Variants in GRIP2 observed in about 807,000 individuals in gnomAD.
The protein encoded by GRIP2 is glutamate receptor interacting protein 2, also known as glutamate receptor-interacting protein 2.
In GRIP2, 58 loss-of-function variants were observed where a neutral mutation model predicts 108.3. That is an observed-to-expected ratio of 0.54 (90% CI 0.43 to 0.67). GRIP2 has a LOEUF of 0.67. Ranked by LOEUF, GRIP2 falls within the 30% of genes least tolerant of loss-of-function variation. GRIP2 has a pLI of 0.00. For missense variants in GRIP2, 1,278 were observed against 1,430.6 expected (o/e 0.89, Z 1.72); for synonymous variants, 586 against 598.2 (o/e 0.98, Z 0.30).
the GRIP2 span, among the ~76,000 whole-genome samples, chr3:14,563,550 C>A: frequency 2.0e-5 from 3 of 152,064 alleles, no homozygotes; most frequent in Non-Finnish European, 2.9e-5. Flanking sequence ...GCAGGGTCTC[C>A]TGAGGATCTG....
chr3:14,534,526 GT>G (rs61276571), intron 1 of GRIP2, among the ~76,000 whole-genome samples: 26,917 of 148,774 alleles, frequency 0.18, 2,460 homozygotes, highest in South Asian at 0.21. Context: ...TTTTATCCAT[GT>G]TTTTTTTTTT....
chr3:14,499,539 A>G (rs953320082), intron 21 of GRIP2, among the ~76,000 whole-genome samples: 11 of 151,334 alleles, frequency 7.3e-5, no homozygotes, highest in Non-Finnish European at 1.3e-4. Flanking sequence ...AACATGGTGA[A>G]ACCCTGTCTC....
the GRIP2 span, among the ~76,000 whole-genome samples, chr3:14,581,635 C>G: frequency 1.3e-5 from 2 of 152,156 alleles, no homozygotes; most frequent in Non-Finnish European, 2.9e-5. Flanking sequence ...TGATATAAGT[C>G]TGGAGAGCCT....
At chr3:14,579,931 G>A in the GRIP2 span, among the ~76,000 whole-genome samples, 10 of 152,320 alleles carry the variant, frequency 6.6e-5, no homozygotes, top group South Asian at 1.9e-3. Flanking sequence ...GGCTGCACTC[G>A]GTGCCATACG....
rs757294050 is a variant in GRIP2, at chr3:14,540,264, C to A, written c.40+5G>T. 1.5e-5 allele frequency: 25 copies of A among 1,613,272 alleles called. No homozygotes were observed. Among genetic ancestry groups the A allele is most frequent in the Non-Finnish European group, 2.1e-5 (25 of 1,179,600 alleles). ...CACTCTGCCCACAGACCCCCCATTA[C>A]GTACCCGCCTCTCCAGGGGTCTCCC... On this transcript the variant is annotated splice_donor_5th_base_variant and intron_variant, in intron 1 of 23. Transcript: ENST00000621039. This position sits in a 1 kb window ranked among gnomAD's most constrained non-coding sequence, Gnocchi z 4.1.
chr3:14,585,077 T>G, the GRIP2 span, among the ~76,000 whole-genome samples: 1 of 152,208 alleles, frequency 6.6e-6, no homozygotes, highest in Non-Finnish European at 1.5e-5. Flanking sequence ...GAGGCTGGAG[T>G]GCAGTGGCAC....
chr3:14,510,697 GT>G (rs2124884247), intron 16 of GRIP2, among the ~76,000 whole-genome samples: 1 of 152,322 alleles, frequency 6.6e-6, no homozygotes, highest in Non-Finnish European at 1.5e-5. Flanking sequence ...AGTTGGCGCA[GT>G]CCTCACCCGT....
At chr3:14,562,745 CGGTCCTCGGACTCCCGGACA>C in the GRIP2 span, among the ~76,000 whole-genome samples, 1 of 151,764 alleles carries the variant, frequency 6.6e-6, no homozygotes, top group Non-Finnish European at 1.5e-5. Flanking sequence ...CCGAGGCAGA[CGGTCCTCGGACTCCCGGACA>C]GGTCTCAGCA....
At chr3:14,527,723 C>T (rs1449759668) in intron 1 of GRIP2, among the ~76,000 whole-genome samples, 2 of 151,980 alleles carry the variant, frequency 1.3e-5, no homozygotes, top group Admixed American at 1.3e-4. Flanking sequence ...TGGCAAAACC[C>T]CATCTCTACT....
chr3:14,579,942 G>C, the GRIP2 span, among the ~76,000 whole-genome samples: 1 of 152,216 alleles, frequency 6.6e-6, no homozygotes, highest in Non-Finnish European at 1.5e-5. Context: ...GTGCCATACG[G>C]GGTGGGGTGA....
Position 14,514,489 on chromosome 3 carries a change from G to A in GRIP2, c.1307-11C>T, listed in dbSNP as rs778483004. The A allele has an allele frequency of 6.5e-7, 1 of 1,542,360 alleles. No homozygotes were observed. The highest frequency in any genetic ancestry group is 2.0e-5 in the Admixed American group (1 of 50,994). ...TGGAGGCTAGCGACACTGTAGGACAGGTGGGCCCAGCATTCAGGTGAGCCG... is the reference window on the plus strand; with the variant it reads ...TGGAGGCTAGCGACACTGTAGGACAAGTGGGCCCAGCATTCAGGTGAGCCG... On this transcript the variant is annotated splice_polypyrimidine_tract_variant and intron_variant, in intron 11 of 23. Coordinates refer to ENST00000621039, the MANE Select transcript of GRIP2 (RefSeq NM_001080423.4).
chr3:14,511,423 C>T lies in GRIP2; in HGVS notation c.1777G>A (p.Val593Met), dbSNP rs748092408. ...LIISDIKKGSVAHRTGTLEPG... is the reference protein window; with the variant it reads ...LIISDIKKGSMAHRTGTLEPG... ...CCCCAGTGCCCCTACCTGTGTGCCA[C>T]GCTGCCTTTCTTGATGTCGGAGATG... is the stretch of plus-strand genomic sequence containing the variant. Residue 593 changes from valine (V) to methionine (M), a missense_variant, in exon 15 of 24, where the codon GTG becomes ATG. Transcript: ENST00000621039. The surrounding 1 kb of genome is among the most constrained non-coding windows in gnomAD (Gnocchi z 4.1). The T allele has an allele frequency of 1.2e-5, 19 of 1,613,858 alleles. No homozygotes were observed. The highest frequency in any genetic ancestry group is 6.6e-5 in the South Asian group (6 of 91,082).
In GRIP2 at chr3:14,507,506, G is replaced by T; in HGVS notation, c.2218+55C>A. On this transcript the variant is annotated intron_variant, in intron 18 of 23. Coordinates refer to ENST00000621039, the MANE Select transcript of GRIP2 (RefSeq NM_001080423.4). The surrounding 1 kb of genome is among the most constrained non-coding windows in gnomAD (Gnocchi z 4.6). ...TGTGCAGGCAAAGCCTGGCACAGAGGGATTGCCCTTCCTAAACCTGCTGGG... is the reference window on the plus strand; with the variant it reads ...TGTGCAGGCAAAGCCTGGCACAGAGTGATTGCCCTTCCTAAACCTGCTGGG... 6.3e-7 allele frequency: 1 copy of T among 1,597,314 alleles called. No individual in the cohort carries two copies. Among genetic ancestry groups the T allele is most frequent in the South Asian group, 1.1e-5 (1 of 90,306 alleles).
rs1693966180 is a variant in GRIP2, at chr3:14,507,593, G to A, written c.2186C>T (p.Thr729Ile). The change falls in exon 18 of 24, where the codon ACC becomes ATC. Residue 729 changes from threonine to isoleucine, a missense_variant. Physicochemically the swap from Thr to Ile is moderately conservative, Grantham distance 89. Transcript: ENST00000621039. The surrounding 1 kb of genome is among the most constrained non-coding windows in gnomAD (Gnocchi z 4.6). ...AIHLLQVAGETVTLKIKKQLD... is the reference protein window; with the variant it reads ...AIHLLQVAGEIVTLKIKKQLD... ...TTGCTTCTTGATCTTCAGTGTGACGGTCTCTCCAGCCACCTGCAGGAGGTG... is the reference window on the plus strand; with the variant it reads ...TTGCTTCTTGATCTTCAGTGTGACGATCTCTCCAGCCACCTGCAGGAGGTG... The A allele has an allele frequency of 6.2e-7, 1 of 1,613,956 alleles. No homozygotes were observed. Among genetic ancestry groups the A allele is most frequent in the Non-Finnish European group, 8.5e-7 (1 of 1,179,838 alleles).
chr3:14,582,365 G>A, the GRIP2 span, among the ~76,000 whole-genome samples: 3 of 152,244 alleles, frequency 2.0e-5, no homozygotes, highest in East Asian at 1.9e-4. Context: ...TGTTAAATAC[G>A]GCTGCAAGGT....
Position 14,529,572 on chromosome 3 carries a change from T to C in GRIP2, c.41-3641A>G, listed in dbSNP as rs1575020606. The stretch of plus-strand genomic sequence containing the variant: ...CCATTCCAAATTTTAATTCCAACAG[T>C]ACATTTATGGCTCTTGAAAGCTTTG... On this transcript the variant is annotated intron_variant, in intron 1 of 23. Transcript: ENST00000621039. Among the ~76,000 whole-genome samples, 4 of 152,230 alleles carry C rather than the reference T, an allele frequency of 2.6e-5. No homozygotes were observed. The South Asian group carries it at 8.3e-4, about 32-fold the overall frequency.
At position 14,524,375 on chromosome 3, in the gene GRIP2, C is replaced by T. The variant is rs1209895869; in HGVS notation, c.403+18G>A. ...CAACCGAGGCAGTGGAGAAAGTTCC[C>T]CGTCCAAGGGCACCCACCGGGCGGG... On this transcript the variant is annotated intron_variant, in intron 4 of 23. Transcript: ENST00000621039. 1 of 1,605,616 alleles carries T rather than the reference C, an allele frequency of 6.2e-7. No individual in the cohort carries two copies. The highest frequency in any genetic ancestry group is 8.5e-7 in the Non-Finnish European group (1 of 1,176,706).
intron 3 of GRIP2, among the ~76,000 whole-genome samples, 161 bp downstream of exon 3, chr3:14,525,276 A>G (rs1336320307): frequency 1.3e-5 from 2 of 152,196 alleles, no homozygotes; most frequent in Non-Finnish European, 2.9e-5. Context: ...TACAGCCTCC[A>G]TTGGAGGCCT....
intron 21 of GRIP2, 41 bp downstream of exon 21, chr3:14,503,525 C>G: frequency 6.9e-7 from 1 of 1,440,638 alleles, no homozygotes; most frequent in Non-Finnish European, 9.6e-7. Flanking sequence ...AGTGAACAGC[C>G]CCGGGTGCCC....
Sources: allele counts gnomAD v4.1 joint callset (sites outside exome capture counted in the v4.1 genomes callset), GRCh38; gene constraint gnomAD v4.1.1; non-coding constraint Gnocchi (gnomAD v3.1); transcripts MANE v1.5; gene names NCBI Gene and HGNC (gene_info 2026-07-23, HGNC 2026-07-21).